Variants in CTNNA2 observed in about 807,000 individuals in gnomAD.
The protein encoded by CTNNA2 is catenin alpha-2.
In CTNNA2, 42 loss-of-function variants were observed where a neutral mutation model predicts 101.0. The observed-to-expected ratio is 0.42, with a 90% CI of 0.32 to 0.54. The LOEUF (loss-of-function observed/expected upper bound fraction) is 0.54. Among genes scored for constraint, CTNNA2 ranks in the 20% least tolerant of loss-of-function variants. The pLI is 0.14. For synonymous variants in CTNNA2, 450 were observed against 456.4 expected, an observed-to-expected ratio of 0.99 and a Z score of 0.18; for missense variants, 871 against 1,223.1, an observed-to-expected ratio of 0.71 and a Z score of 4.29.
chr2:79,755,649 G>A (rs1672348950), intron 3 of CTNNA2, among the ~76,000 whole-genome samples: 1 of 152,168 alleles, frequency 6.6e-6, no homozygotes, highest in Admixed American at 6.5e-5. Flanking sequence ...GATTCAGTAT[G>A]TCTGGGGTGA....
intron 3 of CTNNA2, among the ~76,000 whole-genome samples, chr2:79,796,664 G>C (rs890169841): frequency 6.6e-6 from 1 of 152,168 alleles, no homozygotes; most frequent in Non-Finnish European, 1.5e-5. Flanking sequence ...TTGCTTTTGG[G>C]CAGGTCCAGG....
chr2:79,957,676 T>C, intron 7 of CTNNA2, among the ~76,000 whole-genome samples: 1 of 152,232 alleles, frequency 6.6e-6, no homozygotes. Flanking sequence ...ATTCAAAGTG[T>C]CTTGAACCAC....
intron 7 of CTNNA2, among the ~76,000 whole-genome samples, chr2:80,124,054 G>C (rs1027659950): frequency 5.9e-5 from 9 of 152,132 alleles, no homozygotes; most frequent in Admixed American, 5.9e-4. Context: ...GGTTGCTGCT[G>C]TTCACAAGCT....
intron 7 of CTNNA2, among the ~76,000 whole-genome samples, chr2:80,342,223 T>C (rs1672310348): frequency 1.3e-5 from 2 of 152,192 alleles, no homozygotes; most frequent in South Asian, 4.1e-4. Context: ...ACTCATTAAA[T>C]TGTATGCTTT....
chr2:79,698,968 A>G (rs901145478), intron 2 of CTNNA2, among the ~76,000 whole-genome samples: 1 of 152,048 alleles, frequency 6.6e-6, no homozygotes, highest in African/African-American at 2.4e-5. Flanking sequence ...ACCTAATTCT[A>G]TTTGATCCTC....
At chr2:79,998,983 G>C (rs946052802) in intron 7 of CTNNA2, among the ~76,000 whole-genome samples, 4 of 152,034 alleles carry the variant, frequency 2.6e-5, no homozygotes, top group African/African-American at 7.2e-5. Context: ...TAGGACATTA[G>C]GGATTGAAGA....
At chr2:79,756,316 A>G (rs1672395198) in intron 3 of CTNNA2, among the ~76,000 whole-genome samples, 1 of 152,240 alleles carries the variant, frequency 6.6e-6, no homozygotes, top group Admixed American at 6.5e-5. Context: ...CCATACTTGT[A>G]TAATATGACA....
At chr2:79,806,678 G>T (rs1295692720) in intron 3 of CTNNA2, among the ~76,000 whole-genome samples, 1 of 151,904 alleles carries the variant, frequency 6.6e-6, no homozygotes, top group African/African-American at 2.4e-5. Flanking sequence ...CTCTGGCTTT[G>T]CCTCTTCCTC....
At chr2:79,744,656 A>T in intron 3 of CTNNA2, 74 bp downstream of exon 3, 2 of 1,350,872 alleles carry the variant, frequency 1.5e-6, no homozygotes, top group South Asian at 3.0e-5. Context: ...TTTAGAATCA[A>T]TGGATATTTA....
intron 4 of CTNNA2, among the ~76,000 whole-genome samples, chr2:79,482,432 G>C (rs17712817): frequency 2.0e-5 from 3 of 152,062 alleles, no homozygotes; most frequent in Non-Finnish European, 4.4e-5. Flanking sequence ...ATTTGGAAAC[G>C]TGGGCTAGTT....
intron 7 of CTNNA2, among the ~76,000 whole-genome samples, chr2:80,262,264 A>G (rs1672667529): frequency 6.6e-6 from 1 of 152,120 alleles, no homozygotes; most frequent in South Asian, 2.1e-4. Flanking sequence ...TAATAACTAT[A>G]AAGTAAATTT....
At chr2:79,979,396 C>A (rs1259823233) in intron 7 of CTNNA2, among the ~76,000 whole-genome samples, 1 of 151,926 alleles carries the variant, frequency 6.6e-6, no homozygotes, top group East Asian at 1.9e-4. Flanking sequence ...AAAAGGAAAA[C>A]CCTGATAACA....
At chr2:79,730,234 G>T (rs767237631) in intron 2 of CTNNA2, among the ~76,000 whole-genome samples, 10 of 152,000 alleles carry the variant, frequency 6.6e-5, no homozygotes, top group Non-Finnish European at 1.0e-4. Context: ...TTATTTCCTT[G>T]TTCTCACAAA....
At chr2:80,002,537 C>A (rs1029769016) in intron 7 of CTNNA2, among the ~76,000 whole-genome samples, 1 of 151,896 alleles carries the variant, frequency 6.6e-6, no homozygotes, top group Admixed American at 6.6e-5. Context: ...GTACTTAATT[C>A]TGAACCTGAG....
chr2:79,404,306 G>C (rs1482535230), intron 4 of CTNNA2, among the ~76,000 whole-genome samples: 2 of 151,934 alleles, frequency 1.3e-5, no homozygotes, highest in Admixed American at 6.6e-5. Flanking sequence ...TGTGACAGCA[G>C]ATCTACTGTT....
At chr2:80,014,957 G>A (rs1694040702) in intron 7 of CTNNA2, among the ~76,000 whole-genome samples, 1 of 152,184 alleles carries the variant, frequency 6.6e-6, no homozygotes, top group African/African-American at 2.4e-5. Context: ...ATGCCATGAT[G>A]TGGGGTGGTC....
At chr2:79,323,286 A>T (rs889661689) in intron 3 of CTNNA2, among the ~76,000 whole-genome samples, 1 of 152,218 alleles carries the variant, frequency 6.6e-6, no homozygotes, top group Non-Finnish European at 1.5e-5. Flanking sequence ...AAGAAATACT[A>T]GCCATTAGTT....
At chr2:79,237,906 A>T (rs1337661952) in intron 2 of CTNNA2, among the ~76,000 whole-genome samples, 1 of 152,152 alleles carries the variant, frequency 6.6e-6, no homozygotes, top group Admixed American at 6.5e-5. Context: ...CAGACCACTA[A>T]AACTTTCTCC....
chr2:79,672,307 C>G (rs997889811), intron 2 of CTNNA2, among the ~76,000 whole-genome samples: 3 of 152,046 alleles, frequency 2.0e-5, no homozygotes, highest in Non-Finnish European at 4.4e-5. Flanking sequence ...TAGAAACAAA[C>G]CAAACTAGAA....
Sources: gnomAD v4.1 joint callset for allele counts (sites outside exome capture counted in the v4.1 genomes callset) on GRCh38, gnomAD v4.1.1 for gene constraint, MANE v1.5 for transcripts, NCBI Gene and HGNC (gene_info 2026-07-23, HGNC 2026-07-21) for gene names.